Variants in MYO7A observed in about 807,000 individuals in gnomAD.
The protein encoded by MYO7A is myosin VIIA.
A neutral mutation model predicts 263.8 loss-of-function variants in MYO7A; 210 were observed. The observed-to-expected ratio is 0.80, with a 90% CI of 0.71 to 0.89. The LOEUF (loss-of-function observed/expected upper bound fraction) is 0.89. MYO7A is among the 40% of genes least tolerant of loss of function. The pLI, the probability that MYO7A is intolerant of heterozygous loss-of-function variation, is 0.00. For synonymous variants in MYO7A, 1,239 were observed against 1,197.3 expected (o/e 1.03, Z -0.72); for missense variants, 2,820 against 2,968.3 (o/e 0.95, Z 1.16).
intron 14 of MYO7A, 82 bp downstream of exon 14, chr11:77,163,070 G>T: frequency 6.8e-7 from 1 of 1,477,600 alleles, no homozygotes. Flanking sequence ...AAGATATCCG[G>T]AATTTTAAAG....
chr11:77,194,341 T>A lies in MYO7A; in HGVS notation c.4153-13T>A, dbSNP rs963291582. ...CCTGGGCCAATGCATGACCGAGGCC[T>A]CCCCCCACCTAGGAGGACGACCTGG... On this transcript the variant is annotated splice_polypyrimidine_tract_variant and intron_variant, in intron 31 of 48. Transcript: ENST00000409709. 8 of 1,608,210 alleles carry A rather than the reference T, an allele frequency of 5.0e-6. No homozygotes were observed. Among genetic ancestry groups the A allele is most frequent in the Non-Finnish European group, 6.8e-6 (8 of 1,177,564 alleles).
rs111033403 is a variant in MYO7A, at chr11:77,156,018, C to A, written c.397C>A (p.His133Asn). Residue 133 changes from histidine to asparagine, a missense_variant, in exon 5 of 49, where the codon CAC becomes AAC. Coordinates refer to ENST00000409709, the MANE Select transcript of MYO7A (RefSeq NM_000260.4). The part of the protein sequence containing the change: ...TNKKIGEMPP[H>N]IFAIADNCYF... ...CAAGAAGATTGGGGAGATGCCCCCCCACATCTTTGCCATTGCTGACAACTG... is the reference window on the plus strand; with the variant it reads ...CAAGAAGATTGGGGAGATGCCCCCCAACATCTTTGCCATTGCTGACAACTG... The A allele has an allele frequency of 9.4e-5, 151 of 1,613,960 alleles. No homozygotes were observed. The highest frequency in any genetic ancestry group is 1.6e-4 in the Middle Eastern group (1 of 6,062).
chr11:77,162,638 G>T (rs943853790), intron 13 of MYO7A, among the ~76,000 whole-genome samples: 1 of 152,164 alleles, frequency 6.6e-6, no homozygotes, highest in Admixed American at 6.5e-5. Context: ...TTGGGAAATC[G>T]ATTGTCTAAA....
intron 2 of MYO7A, among the ~76,000 whole-genome samples, chr11:77,140,131 T>C (rs185029987): frequency 1.7e-3 from 266 of 152,310 alleles, no homozygotes; most frequent in Non-Finnish European, 3.5e-3. Context: ...CATGAAGTTT[T>C]TTTTATTTTG....
At chr11:77,164,759 T>C (rs1051540598) in intron 14 of MYO7A, among the ~76,000 whole-genome samples, 3 of 152,184 alleles carry the variant, frequency 2.0e-5, no homozygotes, top group Admixed American at 6.5e-5. Flanking sequence ...GAAGTGAAAA[T>C]TGAATAATCT....
intron 38 of MYO7A, 140 bp from the exon 39 acceptor site, chr11:77,203,936 C>T: frequency 1.1e-6 from 1 of 923,160 alleles, no homozygotes; most frequent in Non-Finnish European, 1.6e-6. Context: ...TGGGGCAGAT[C>T]ATGCCCATTT....
rs768890752 is a variant in MYO7A, at chr11:77,199,625, C to G, written c.4659C>G (p.Pro1553=). The change falls in exon 35 of 49, where the codon CCC becomes CCG. Residue 1553 remains proline, a synonymous_variant. Coordinates refer to ENST00000409709, the MANE Select transcript of MYO7A (RefSeq NM_000260.4). The stretch of plus-strand genomic sequence containing the variant: ...GGGCAGGACTGACCCCGGCGGGGCC[C>G]TGTTCTCCGTGTTGGTCCTGCAGGG... The part of the protein sequence containing the change: ...SGWAGLTPAG[P]CSPCWSCRGA... 3 of 1,608,630 alleles carry G rather than the reference C, an allele frequency of 1.9e-6. No individual in the cohort carries two copies. Among genetic ancestry groups the G allele is most frequent in the African/African-American group, 1.3e-5 (1 of 74,880 alleles).
Position 77,206,115 on chromosome 11 carries a change from C to T in MYO7A, c.5655C>T (p.Tyr1885=). 1 of 1,612,714 alleles carries T rather than the reference C, an allele frequency of 6.2e-7. No individual in the cohort carries two copies. ...TTTTCAGAAACGGGTCCCGGAAGTA[C>T]CCTCCGCACCTGGTGGAGGTGGAGG... ...QKALRNGSRK[Y]PPHLVEVEAI... Residue 1885 remains tyrosine (Y), a synonymous_variant, in exon 41 of 49, where the codon TAC becomes TAT. Transcript: ENST00000409709.
At chr11:77,200,670 C>T (rs1377753644) in intron 35 of MYO7A, among the ~76,000 whole-genome samples, 2 of 152,210 alleles carry the variant, frequency 1.3e-5, no homozygotes, top group Admixed American at 6.5e-5. Flanking sequence ...TCCCATCTTT[C>T]CCCTGAAGCT....
chr11:77,177,731 A>G, intron 19 of MYO7A, 88 bp downstream of exon 19: 2 of 1,099,064 alleles, frequency 1.8e-6, no homozygotes, highest in African/African-American at 1.6e-5. Context: ...GCCCGCATGA[A>G]CACTAGGAAA....
chr11:77,142,458 G>C, intron 2 of MYO7A: 1 of 548,450 alleles, frequency 1.8e-6, no homozygotes, highest in Non-Finnish European at 3.5e-6. Context: ...GGCTCTCTCT[G>C]AGCCTCTGCT....
chr11:77,145,725 A>G (rs1361561798), intron 3 of MYO7A, among the ~76,000 whole-genome samples: 7 of 152,104 alleles, frequency 4.6e-5, no homozygotes, highest in Non-Finnish European at 1.0e-4. Context: ...GCTGCGTGAG[A>G]GCCTGCCCTG....
In MYO7A at chr11:77,159,500, G is replaced by T. The variant is rs782536564; in HGVS notation, c.1057G>T (p.Ala353Ser). 1.9e-6 allele frequency: 3 copies of T among 1,613,158 alleles called. No individual in the cohort carries two copies. Among genetic ancestry groups the T allele is most frequent in the Non-Finnish European group, 2.5e-6 (3 of 1,179,828 alleles). Residue 353 changes from alanine to serine, a missense_variant, in exon 10 of 49, where the codon GCC (alanine) becomes TCC (serine). Coordinates refer to ENST00000409709, the MANE Select transcript of MYO7A (RefSeq NM_000260.4). The stretch of plus-strand genomic sequence containing the variant: ...TGAGGTTCTCTTCTCCCCATCGCTG[G>T]CCACAGCTGCATCCCTGCTTGAGGT... ...ACEVLFSPSLATAASLLEVNP... is the reference protein window; with the variant it reads ...ACEVLFSPSLSTAASLLEVNP...
intron 47 of MYO7A, 135 bp from the exon 48 acceptor site, chr11:77,213,725 C>A: frequency 7.8e-7 from 1 of 1,283,904 alleles, no homozygotes; most frequent in Non-Finnish European, 1.1e-6. Context: ...CCCACCGCAG[C>A]TGGATGGCAG....
chr11:77,189,203 C>A (rs1278091869), intron 27 of MYO7A, 141 bp from the exon 28 acceptor site: 1 of 1,241,818 alleles, frequency 8.1e-7, no homozygotes. Flanking sequence ...TGCCACCCAG[C>A]CTCACTCTGC....
rs370897466 is a variant in MYO7A, at chr11:77,156,970, A to C, written c.701A>C (p.Gln234Pro). 1 of 1,613,802 alleles carries C rather than the reference A, an allele frequency of 6.2e-7. No individual in the cohort carries two copies. Among genetic ancestry groups the C allele is most frequent in the African/African-American group, 1.3e-5 (1 of 74,958 alleles). ...RGAIEGAKIEQYLLEKSRVCR... is the reference protein window; with the variant it reads ...RGAIEGAKIEPYLLEKSRVCR... ...GCCATCGAGGGCGCGAAGATTGAGC[A>C]GTACCTGCTGGAAAAGTCACGTGTC... The change falls in exon 7 of 49, where the codon CAG becomes CCG. Residue 234 changes from glutamine (Q) to proline (P), a missense_variant. Coordinates refer to ENST00000409709, the MANE Select transcript of MYO7A (RefSeq NM_000260.4).
chr11:77,198,456 G>A (rs1299123567), intron 33 of MYO7A, 39 bp from the exon 34 acceptor site: 1 of 1,607,768 alleles, frequency 6.2e-7, no homozygotes, highest in Non-Finnish European at 8.5e-7. Context: ...GGGCCTGGGT[G>A]TGGGAGGCCT....
In MYO7A at chr11:77,202,386, G is replaced by A. The variant is rs1957125240; in HGVS notation, c.5130G>A (p.Lys1710=). ...LRTAEPEVRA[K]PYTLEEFSYD... ...CGGCGGAGCCCGAGGTGCGTGCCAA[G>A]CCCTACACGCTGGAGGAGTTTTCCT... Residue 1710 remains lysine, a synonymous_variant, in exon 37 of 49, where the codon AAG becomes AAA. Transcript: ENST00000409709. 2 of 1,555,932 alleles carry A rather than the reference G, an allele frequency of 1.3e-6. No individual in the cohort carries two copies. The highest frequency in any genetic ancestry group is 8.7e-7 in the Non-Finnish European group (1 of 1,149,516).
At chr11:77,161,175 C>G (rs1235397083) in intron 12 of MYO7A, 60 bp downstream of exon 12, 2 of 1,599,570 alleles carry the variant, frequency 1.3e-6, no homozygotes, top group African/African-American at 2.7e-5. Context: ...TAAGAAATAT[C>G]ACGTCTCTCC....
Sources: allele counts gnomAD v4.1 joint callset (sites outside exome capture counted in the v4.1 genomes callset), GRCh38; gene constraint gnomAD v4.1.1; transcripts MANE v1.5; gene names NCBI Gene and HGNC (gene_info 2026-07-23, HGNC 2026-07-21).